Variants in SPECC1L observed in about 807,000 individuals in gnomAD.
SPECC1L encodes the protein cytospin-A.
A neutral mutation model predicts 116.8 loss-of-function variants in SPECC1L; 40 were observed. That is an observed-to-expected ratio of 0.34 (90% CI 0.27 to 0.45). The LOEUF (loss-of-function observed/expected upper bound fraction) is 0.45, where lower values mean the gene tolerates loss of function less well. Among genes scored for constraint, SPECC1L ranks in the 20% least tolerant of loss-of-function variants. SPECC1L has a pLI of 1.00. For missense variants in SPECC1L, 1,110 were observed against 1,373.6 expected, an observed-to-expected ratio of 0.81 and a Z score of 3.03; for synonymous variants, 504 against 500.6, an observed-to-expected ratio of 1.01 and a Z score of -0.09.
At chr22:24,373,261 AT>A (rs1397810731) in intron 14 of SPECC1L, among the ~76,000 whole-genome samples, 3 of 152,216 alleles carry the variant, frequency 2.0e-5, no homozygotes, top group Non-Finnish European at 4.4e-5. Context: ...TCTTCACAGA[AT>A]TGGAAAAAAC....
At chr22:24,355,844 A>G (rs1405331192) in intron 11 of SPECC1L, among the ~76,000 whole-genome samples, 2 of 146,638 alleles carry the variant, frequency 1.4e-5, no homozygotes, top group African/African-American at 2.5e-5. Flanking sequence ...TTTAATTTAC[A>G]TACAGTAAAA....
intron 16 of SPECC1L, among the ~76,000 whole-genome samples, chr22:24,413,212 C>T (rs973247248): frequency 6.6e-5 from 10 of 152,168 alleles, no homozygotes; most frequent in Admixed American, 5.9e-4. Flanking sequence ...GGGTAGCCGC[C>T]ACTCACAGGA....
intron 8 of SPECC1L, among the ~76,000 whole-genome samples, chr22:24,330,945 C>G (rs2040925673): frequency 6.6e-6 from 1 of 152,176 alleles, no homozygotes; most frequent in African/African-American, 2.4e-5. Context: ...GGGCAATGAT[C>G]AGTATACTTT....
chr22:24,290,994 T>C (rs2146366575), intron 2 of SPECC1L, among the ~76,000 whole-genome samples: 1 of 152,360 alleles, frequency 6.6e-6, no homozygotes, highest in East Asian at 1.9e-4. Context: ...GACTCTGAAG[T>C]GGCCCTTTCC....
intron 2 of SPECC1L, among the ~76,000 whole-genome samples, chr22:24,281,425 T>A (rs2048940297): frequency 6.6e-6 from 1 of 152,242 alleles, no homozygotes; most frequent in African/African-American, 2.4e-5. Flanking sequence ...TAAAATTGAA[T>A]CTCCTAACCC....
intron 2 of SPECC1L, among the ~76,000 whole-genome samples, chr22:24,295,300 TTAG>T (rs1474486765): frequency 6.6e-6 from 1 of 150,640 alleles, no homozygotes; most frequent in African/African-American, 2.5e-5. Flanking sequence ...TATATATAAA[TTAG>T]TATGATTTTT....
intron 13 of SPECC1L, among the ~76,000 whole-genome samples, chr22:24,367,288 C>A (rs540029639): frequency 6.6e-6 from 1 of 152,216 alleles, no homozygotes; most frequent in Non-Finnish European, 1.5e-5. Flanking sequence ...CTGTGTCTTT[C>A]TCTTTCCCTG....
At chr22:24,318,919 A>G (rs892927067) in intron 4 of SPECC1L, among the ~76,000 whole-genome samples, 1 of 147,250 alleles carries the variant, frequency 6.8e-6, no homozygotes, top group South Asian at 2.1e-4. Context: ...CAGAGCCTCA[A>G]AAAAAAAAAA....
chr22:24,295,723 T>A (rs4049941), intron 2 of SPECC1L, among the ~76,000 whole-genome samples: 5,131 of 151,980 alleles, frequency 0.034, 176 homozygotes, highest in African/African-American at 0.083. Flanking sequence ...AGGCCGAGGG[T>A]GGATCATCTG....
intron 9 of SPECC1L, among the ~76,000 whole-genome samples, chr22:24,337,106 A>G (rs1387157095): frequency 6.6e-6 from 1 of 152,202 alleles, no homozygotes; most frequent in Non-Finnish European, 1.5e-5. Context: ...CTCCATCATA[A>G]ATCAAGAAGC....
rs1286311562 is a variant in SPECC1L at position 24,369,221 on chromosome 22, A to G, written c.2988A>G (p.Glu996=). The G allele has an allele frequency of 3.7e-6, 6 of 1,612,060 alleles. No individual in the cohort carries two copies. Among genetic ancestry groups the G allele is most frequent in the Non-Finnish European group, 4.2e-6 (5 of 1,178,072 alleles). The change falls in exon 14 of 17, where the codon GAA becomes GAG. Residue 996 remains glutamate, a synonymous_variant. Transcript: ENST00000314328. The part of the protein sequence containing the change: ...VTPTTRSRIR[E]ERKDPLSALA... Reference sequence around the variant, plus strand: ...ACTTTGGGTTACTTGTTTTCAGAGAAGAAAGGAAAGACCCTCTCTCAGCAT... The same window carrying G: ...ACTTTGGGTTACTTGTTTTCAGAGAGGAAAGGAAAGACCCTCTCTCAGCAT...
Position 24,340,140 on chromosome 22 carries a change from CTTTT to C in SPECC1L, c.2652+1686_2652+1689del, listed in dbSNP as rs765402107. ...AATACTGTTCCACCAATTTAATGAC[CTTTT>C]TTTTTTTTTTTTTTTTTTTTTTGAG... is the stretch of plus-strand genomic sequence containing the variant. On this transcript the variant is annotated intron_variant, in intron 10 of 16. Transcript: ENST00000314328. 8.1e-3 allele frequency among the ~76,000 whole-genome samples: 848 copies of C among 104,994 alleles called. 3 individuals carry two copies. The highest frequency in any genetic ancestry group is 0.036 in the African/African-American group (769 of 21,596). The allele number at this position is 104,994 out of a possible 152,430, so 68.9% of individuals were successfully genotyped here.
chr22:24,360,894 T>C (rs763943172), intron 11 of SPECC1L, among the ~76,000 whole-genome samples: 1 of 152,200 alleles, frequency 6.6e-6, no homozygotes, highest in African/African-American at 2.4e-5. Context: ...TACTCTTCCT[T>C]TACGGGTAAA....
At chr22:24,390,856 T>TTTTTTTCTTTTC (rs2042250235) in intron 14 of SPECC1L, among the ~76,000 whole-genome samples, 3 of 98,206 alleles carry the variant, frequency 3.1e-5, no homozygotes, top group Non-Finnish European at 6.0e-5. Context: ...GTGTTCCTTT[T>TTTTTTTCTTTTC]TTTTTTTTTT....
At chr22:24,319,805 C>T (rs1428105838) in intron 4 of SPECC1L, among the ~76,000 whole-genome samples, 2 of 152,194 alleles carry the variant, frequency 1.3e-5, no homozygotes, top group African/African-American at 4.8e-5. Flanking sequence ...TCATTTGCTC[C>T]CTGTTACCTC....
intron 11 of SPECC1L, among the ~76,000 whole-genome samples, chr22:24,350,498 A>T (rs1172585179): frequency 6.6e-6 from 1 of 152,160 alleles, no homozygotes; most frequent in Non-Finnish European, 1.5e-5. Flanking sequence ...CAATTTTATT[A>T]CTATATGTGT....
At position 24,285,952 on chromosome 22, in the gene SPECC1L, T is replaced by A. The variant is rs2049037132; in HGVS notation, c.-38+9149T>A. Among the ~76,000 whole-genome samples, 4 of 152,390 alleles carry A rather than the reference T, an allele frequency of 2.6e-5. No individual in the cohort carries two copies. The South Asian group carries it at 8.3e-4, about 32-fold the overall frequency. On this transcript the variant is annotated intron_variant, in intron 2 of 16. Transcript: ENST00000314328. ...ACCGCGCCTGGCGCGCTGTTCTTTT[T>A]TGAAAAGAAAATCTTGATTTTGTGT...
At chr22:24,339,803 A>C (rs1033006793) in intron 10 of SPECC1L, among the ~76,000 whole-genome samples, 2 of 152,120 alleles carry the variant, frequency 1.3e-5, no homozygotes, top group Admixed American at 6.5e-5. Flanking sequence ...TTTACCCCGA[A>C]ACGGGGTCTC....
intron 4 of SPECC1L, among the ~76,000 whole-genome samples, chr22:24,316,382 A>G (rs1212433324): frequency 6.6e-6 from 1 of 150,756 alleles, no homozygotes; most frequent in African/African-American, 2.5e-5. Flanking sequence ...CAGATAAACA[A>G]GTGAACAAAG....
Sources: gnomAD v4.1 joint callset for allele counts (sites outside exome capture counted in the v4.1 genomes callset) on GRCh38, gnomAD v4.1.1 for gene constraint, MANE v1.5 for transcripts, NCBI Gene and HGNC (gene_info 2026-07-23, HGNC 2026-07-21) for gene names.